The following CEACAM19 variants were observed in gnomAD, a reference collection of about 807,000 sequenced individuals.
CEACAM19 encodes cell adhesion molecule CEACAM19.
Under a neutral mutation model 37.6 loss-of-function variants are expected in CEACAM19, and 37 were observed. That is an observed-to-expected ratio of 0.98 (90% CI 0.76 to 1.29). The LOEUF is 1.29. CEACAM19 is among the 50% of genes most tolerant of loss of function. The pLI is 0.00. For missense variants in CEACAM19, 340 were observed against 375.6 expected, an observed-to-expected ratio of 0.91 and a Z score of 0.78; for synonymous variants, 140 against 149.8, an observed-to-expected ratio of 0.93 and a Z score of 0.48.
chr19:44,667,747 A>T (rs1396405950), upstream of CEACAM19, among the ~76,000 whole-genome samples: 1 of 70,202 alleles, frequency 1.4e-5, no homozygotes, highest in African/African-American at 6.7e-5. Flanking sequence ...TATAATATAT[A>T]AATTATATAA....
intron 3 of CEACAM19, 135 bp downstream of exon 3, chr19:44,676,556 C>T: frequency 1.2e-6 from 1 of 819,154 alleles, no homozygotes; most frequent in Non-Finnish European, 1.9e-6. Context: ...TGAAAAGAAT[C>T]TTTCTATCCT....
In CEACAM19 at chr19:44,683,864, A is replaced by T. The variant is rs1974110251; in HGVS notation, c.*374A>T. Reference sequence around the variant, plus strand: ...TCCCAGGCAGTTGGCTGGGCTCCCAACTGTCTGTCCTCAATGCCCTACCCC... The same window carrying T: ...TCCCAGGCAGTTGGCTGGGCTCCCATCTGTCTGTCCTCAATGCCCTACCCC... On this transcript the variant is annotated 3_prime_UTR_variant, in exon 8 of 8. Coordinates refer to ENST00000358777, the MANE Select transcript of CEACAM19 (RefSeq NM_001127893.3). 1 of 202,694 alleles carries T rather than the reference A, an allele frequency of 4.9e-6. No individual in the cohort carries two copies. Among genetic ancestry groups the T allele is most frequent in the African/African-American group, 2.3e-5 (1 of 43,356 alleles). The allele number at this position is 202,694 out of a possible 1,614,324, so 12.6% of individuals were successfully genotyped here.
upstream of CEACAM19, among the ~76,000 whole-genome samples, chr19:44,668,631 TAC>T (rs1433522031): frequency 1.6e-4 from 14 of 86,816 alleles, 1 homozygote; most frequent in African/African-American, 1.0e-4. Context: ...TATAATTATA[TAC>T]ACATATTATA....
rs745329744 is a variant in CEACAM19, at chr19:44,671,902, G to A, written c.-30G>A. The A allele has an allele frequency of 6.5e-5, 104 of 1,590,858 alleles. No individual in the cohort carries two copies. The highest frequency in any genetic ancestry group is 8.1e-5 in the Non-Finnish European group (95 of 1,167,328). On this transcript the variant is annotated 5_prime_UTR_variant, in exon 1 of 8. Coordinates refer to ENST00000358777, the MANE Select transcript of CEACAM19 (RefSeq NM_001127893.3). ...CTGGCCCCCTTAGTGTCCAGCTCGT[G>A]GCCCCTTGGCATTTCCACAAGACGC...
rs971251751 is a variant in CEACAM19, at chr19:44,683,578, A to T, written c.*88A>T. ...CACCTGAGACCAGCAGGACAAGGCC[A>T]TTGGGGGCTGTGGGGCCGATGAGGT... On this transcript the variant is annotated 3_prime_UTR_variant, in exon 8 of 8. Coordinates refer to ENST00000358777, the MANE Select transcript of CEACAM19 (RefSeq NM_001127893.3). The T allele has an allele frequency of 5.5e-5, 46 of 829,068 alleles. No individual in the cohort carries two copies. In the African/African-American group the frequency reaches 7.8e-4, roughly 14 times the overall value. The allele number at this position is 829,068 out of a possible 1,614,324, so 51.4% of individuals were successfully genotyped here.
chr19:44,672,523 G>T, intron 1 of CEACAM19, 73 bp from the exon 2 acceptor site: 3 of 1,391,376 alleles, frequency 2.2e-6, no homozygotes, highest in Non-Finnish European at 2.8e-6. Context: ...CTGAAGATCT[G>T]TATCTAGAGA....
upstream of CEACAM19, among the ~76,000 whole-genome samples, chr19:44,668,501 T>C (rs1568512887): frequency 1.7e-5 from 1 of 57,386 alleles, no homozygotes; most frequent in Non-Finnish European, 2.9e-5. Flanking sequence ...ATATTATATA[T>C]ATTATATATT....
At chr19:44,676,952 T>C (rs1210686659) in intron 3 of CEACAM19, among the ~76,000 whole-genome samples, 1 of 152,180 alleles carries the variant, frequency 6.6e-6, no homozygotes, top group East Asian at 1.9e-4. Flanking sequence ...ACATAACTTA[T>C]TCAGGTAGGC....
Position 44,676,373 on chromosome 19 carries a change from G to A in CEACAM19, c.527G>A (p.Cys176Tyr), listed in dbSNP as rs138542846. The change falls in exon 3 of 8, where the codon TGC becomes TAC. Residue 176 changes from cysteine to tyrosine, a missense_variant. Coordinates refer to ENST00000358777, the MANE Select transcript of CEACAM19 (RefSeq NM_001127893.3). ...GCTGCCGGGGCCCTTCTCATCAGCT[G>A]CATTGCCTATCTCCTGGTGACAAGG... ...SLAAGALLIS[C>Y]IAYLLVTRNW... The A allele has an allele frequency of 9.5e-5, 154 of 1,614,070 alleles. 2 individuals carry two copies. Among genetic ancestry groups the A allele is most frequent in the Middle Eastern group, 6.6e-4 (4 of 6,062 alleles).
In CEACAM19 at chr19:44,681,229, GACA is replaced by G. The variant is rs780045410; in HGVS notation, c.716_718del (p.Asn239del). ...ACCTCCCCTGGCCTCTGTTTCAGGT[GACA>G]ACAACATCTATGAAGTGATGCCCTC... On this transcript the variant is annotated inframe_deletion, in exon 6 of 8. Transcript: ENST00000358777. 22 of 1,613,556 alleles carry G rather than the reference GACA, an allele frequency of 1.4e-5. No homozygotes were observed. The highest frequency in any genetic ancestry group is 2.7e-5 in the African/African-American group (2 of 74,886).
At chr19:44,666,125 C>T (rs1224789744) in intron 1 of CEACAM19, 1 of 152,150 alleles carries the variant, frequency 6.6e-6, no homozygotes, top group Non-Finnish European at 1.5e-5. Context: ...TCTACAAGTT[C>T]TGCAATAAAC....
chr19:44,669,417 G>C (rs535828654), upstream of CEACAM19, among the ~76,000 whole-genome samples: 7 of 152,036 alleles, frequency 4.6e-5, no homozygotes, highest in East Asian at 1.4e-3. Flanking sequence ...GGTCACCTGT[G>C]CCTCCCTAAA....
chr19:44,668,010 T>TA (rs1973767051), upstream of CEACAM19, among the ~76,000 whole-genome samples: 1 of 32 alleles, frequency 0.031, no homozygotes, highest in Non-Finnish European at 0.045. Flanking sequence ...TATAGATTTA[T>TA]ATTATTTATA....
rs749392380 is a variant in CEACAM19 at position 44,681,303 on chromosome 19, C to T, written c.783C>T (p.Asn261=). Residue 261 remains asparagine, a synonymous_variant, in exon 6 of 8, where the codon AAC becomes AAT. Coordinates refer to ENST00000358777, the MANE Select transcript of CEACAM19 (RefSeq NM_001127893.3). The part of the protein sequence containing the change: ...VSPISDTRSI[N]PARPLPTPPH... ...CCATCAGTGACACAAGGTCCATAAA[C>T]CCAGCCCGGGTGAGTCCCGTCCCCA... 2 of 1,613,368 alleles carry T rather than the reference C, an allele frequency of 1.2e-6. No homozygotes were observed. Among genetic ancestry groups the T allele is most frequent in the Non-Finnish European group, 1.7e-6 (2 of 1,179,442 alleles).
At chr19:44,683,337 C>T (rs1237175522) in intron 7 of CEACAM19, 100 bp from the exon 8 acceptor site, 1 of 525,872 alleles carries the variant, frequency 1.9e-6, no homozygotes, top group East Asian at 3.2e-5. Flanking sequence ...GCGGGTTTCT[C>T]TCCATCTCAC....
upstream of CEACAM19, among the ~76,000 whole-genome samples, chr19:44,668,185 A>C (rs1480697454): frequency 1.2e-5 from 1 of 83,612 alleles, no homozygotes; most frequent in African/African-American, 5.2e-5. Flanking sequence ...ATTATATATA[A>C]TATATTTTAT....
At chr19:44,667,726 ATATT>A (rs1445623806), upstream of CEACAM19, among the ~76,000 whole-genome samples, 1 of 73,098 alleles carries the variant, frequency 1.4e-5, no homozygotes, top group Non-Finnish European at 2.2e-5. Context: ...TATAAATTAT[ATATT>A]TATATATATA....
chr19:44,677,376 C>T (rs991151996), intron 3 of CEACAM19, among the ~76,000 whole-genome samples: 2 of 151,670 alleles, frequency 1.3e-5, no homozygotes, highest in Non-Finnish European at 2.9e-5. Context: ...TTGCTATTGT[C>T]AAAGAAGGGG....
At chr19:44,666,302 TG>T (rs892605123) in intron 1 of CEACAM19, 1 of 152,174 alleles carries the variant, frequency 6.6e-6, no homozygotes, top group African/African-American at 2.4e-5. Context: ...GCTTAATCCA[TG>T]CCTGGAAATA....
Sources: allele counts gnomAD v4.1 joint callset (sites outside exome capture counted in the v4.1 genomes callset), GRCh38; gene constraint gnomAD v4.1.1; transcripts MANE v1.5; gene names NCBI Gene and HGNC (gene_info 2026-07-23, HGNC 2026-07-21).